ATP8B4: variants seen among roughly 807,000 people sequenced by gnomAD.
ATP8B4 encodes the protein probable phospholipid-transporting ATPase IM.
A neutral mutation model predicts 145.6 loss-of-function variants in ATP8B4; 133 were observed. The ratio of observed to expected loss-of-function variants is 0.91; its 90% CI spans 0.79 to 1.05. ATP8B4 has a LOEUF of 1.05. Among genes scored for constraint, ATP8B4 ranks in the 50% least tolerant of loss-of-function variants. The probability of loss-of-function intolerance (pLI) is 0.00; values close to 1 mark genes in which losing one functional copy is unlikely to be tolerated. For synonymous variants in ATP8B4, 507 were observed against 492.9 expected, an observed-to-expected ratio of 1.03 and a Z score of -0.38; for missense variants, 1,458 against 1,425.2, an observed-to-expected ratio of 1.02 and a Z score of -0.37.
intron 2 of ATP8B4, among the ~76,000 whole-genome samples, chr15:50,090,230 G>C (rs956809682): frequency 1.3e-5 from 2 of 152,162 alleles, no homozygotes; most frequent in Admixed American, 6.5e-5. Context: ...AACAACGGGA[G>C]GGAGAGCATC....
intron 6 of ATP8B4, among the ~76,000 whole-genome samples, chr15:50,033,799 T>G (rs968015130): frequency 6.6e-5 from 10 of 152,200 alleles, no homozygotes; most frequent in South Asian, 4.1e-4. Context: ...CACTTATAAG[T>G]GAGAACTTGT....
Position 49,996,700 on chromosome 15 carries a change from A to C in ATP8B4, c.566T>G (p.Ile189Ser). Residue 189 changes from isoleucine (I) to serine (S), a missense_variant, in exon 9 of 28, where the codon ATC becomes AGC. Transcript: ENST00000284509. ...ACCATCAAACCCTGCAAGTCTGCTG[A>C]TATCTGCTCCAAGTTCTGAAGTAAC... ...LSVTSELGAD[I>S]SRLAGFDGIV... The C allele has an allele frequency of 6.2e-7, 1 of 1,609,336 alleles. No individual in the cohort carries two copies. Among genetic ancestry groups the C allele is most frequent in the Non-Finnish European group, 8.5e-7 (1 of 1,176,492 alleles).
chr15:50,060,493 C>G (rs2052932602), intron 3 of ATP8B4, among the ~76,000 whole-genome samples: 1 of 152,178 alleles, frequency 6.6e-6, no homozygotes, highest in Non-Finnish European at 1.5e-5. Context: ...AGTGACCTTT[C>G]TCTTAATTCC....
chr15:49,990,704 C>T (rs868641727), intron 9 of ATP8B4, among the ~76,000 whole-genome samples: 54 of 152,126 alleles, frequency 3.5e-4, no homozygotes, highest in African/African-American at 1.3e-3. Flanking sequence ...AAAAATGGAA[C>T]TCAGTGCCCA....
chr15:49,944,496 T>C (rs2042407665), intron 14 of ATP8B4, among the ~76,000 whole-genome samples: 1 of 152,002 alleles, frequency 6.6e-6, no homozygotes, highest in African/African-American at 2.4e-5. Flanking sequence ...CATAAAAGGG[T>C]CAATCCACCA....
intron 23 of ATP8B4, among the ~76,000 whole-genome samples, chr15:49,893,540 A>C (rs2153424561): frequency 6.6e-6 from 1 of 152,354 alleles, no homozygotes; most frequent in South Asian, 2.1e-4. Flanking sequence ...TAAGTGAAAT[A>C]AGCATGTCAC....
At chr15:49,882,639 T>A (rs1032273521) in intron 23 of ATP8B4, among the ~76,000 whole-genome samples, 3 of 152,212 alleles carry the variant, frequency 2.0e-5, no homozygotes, top group Admixed American at 2.0e-4. Context: ...TGCAAAGGCA[T>A]AATTGCATTT....
At chr15:49,892,575 G>C (rs1257409565) in intron 23 of ATP8B4, among the ~76,000 whole-genome samples, 1 of 152,140 alleles carries the variant, frequency 6.6e-6, no homozygotes, top group Non-Finnish European at 1.5e-5. Context: ...GATAAATAGT[G>C]AGGCAATGTC....
chr15:50,151,740 CAAAAAAAAAA>C (rs58413585), intron 1 of ATP8B4, among the ~76,000 whole-genome samples: 11 of 91,768 alleles, frequency 1.2e-4, no homozygotes, highest in Middle Eastern at 6.6e-3. Context: ...GAACCTGTCT[CAAAAAAAAAA>C]AAAAAAAAAA....
chr15:49,943,252 T>C (rs2042304682), intron 14 of ATP8B4, among the ~76,000 whole-genome samples: 1 of 152,070 alleles, frequency 6.6e-6, no homozygotes, highest in Admixed American at 6.5e-5. Context: ...GAACAGCTTA[T>C]GCATTATGAG....
intron 1 of ATP8B4, among the ~76,000 whole-genome samples, chr15:50,134,227 A>T (rs62023188): frequency 0.15 from 23,273 of 152,194 alleles, 2,139 homozygotes; most frequent in Non-Finnish European, 0.21. Flanking sequence ...AAGTAAAAAT[A>T]AATAAAAATT....
intron 14 of ATP8B4, among the ~76,000 whole-genome samples, chr15:49,942,492 G>A (rs1266581685): frequency 6.6e-6 from 1 of 151,996 alleles, no homozygotes; most frequent in African/African-American, 2.4e-5. Context: ...TAGGGCTACT[G>A]CAGAAACTAA....
At chr15:50,128,926 G>T (rs2057325373) in intron 1 of ATP8B4, among the ~76,000 whole-genome samples, 1 of 152,102 alleles carries the variant, frequency 6.6e-6, no homozygotes, top group Non-Finnish European at 1.5e-5. Context: ...AAATTAGCTG[G>T]GCCTGGTGGT....
At chr15:50,039,737 C>CA (rs145358867) in intron 5 of ATP8B4, among the ~76,000 whole-genome samples, 22,178 of 152,078 alleles carry the variant, frequency 0.15, 2,511 homozygotes, top group African/African-American at 0.32. Flanking sequence ...TTCTTAAATA[C>CA]AAAATGTTGT....
At chr15:50,008,321 C>T (rs1479658857) in intron 7 of ATP8B4, among the ~76,000 whole-genome samples, 2 of 152,116 alleles carry the variant, frequency 1.3e-5, no homozygotes, top group African/African-American at 2.4e-5. Flanking sequence ...AGGAGAGAGG[C>T]GTGAGCAACT....
chr15:50,055,158 G>A (rs1785255996), intron 3 of ATP8B4, among the ~76,000 whole-genome samples: 1 of 152,178 alleles, frequency 6.6e-6, no homozygotes, highest in Non-Finnish European at 1.5e-5. Context: ...TATGAGTGGG[G>A]AGGCTGCCAA....
chr15:50,032,885 T>A (rs2050556761), intron 6 of ATP8B4, among the ~76,000 whole-genome samples: 1 of 152,190 alleles, frequency 6.6e-6, no homozygotes, highest in Admixed American at 6.5e-5. Flanking sequence ...GTTATTTTCT[T>A]CCATCCACTT....
At chr15:49,917,254 C>T (rs2039835505) in intron 19 of ATP8B4, 1 of 490,748 alleles carries the variant, frequency 2.0e-6, no homozygotes, top group Non-Finnish European at 3.6e-6. Flanking sequence ...AACCCATGCA[C>T]AAGTAGCAAC....
chr15:50,108,071 C>T (rs185366365), intron 1 of ATP8B4, among the ~76,000 whole-genome samples: 1 of 152,050 alleles, frequency 6.6e-6, no homozygotes, highest in African/African-American at 2.4e-5. Flanking sequence ...ATAGGGGTGT[C>T]GCTGCCGGGT....
Sources: allele counts gnomAD v4.1 joint callset (sites outside exome capture counted in the v4.1 genomes callset), GRCh38; gene constraint gnomAD v4.1.1; transcripts MANE v1.5; gene names NCBI Gene and HGNC (gene_info 2026-07-23, HGNC 2026-07-21).